Variants in GAS7 observed in about 807,000 individuals in gnomAD.
GAS7 encodes growth arrest specific 7.
In GAS7, 28 loss-of-function variants were observed where a neutral mutation model predicts 71.1. The ratio of observed to expected loss-of-function variants is 0.39; its 90% CI spans 0.29 to 0.54. The LOEUF (loss-of-function observed/expected upper bound fraction) is 0.54. GAS7 is among the 20% of genes least tolerant of loss of function. The pLI is 0.62. For synonymous variants in GAS7, 258 were observed against 245.8 expected, an observed-to-expected ratio of 1.05 and a Z score of -0.46; for missense variants, 436 against 627.8, an observed-to-expected ratio of 0.69 and a Z score of 3.27.
chr17:10,079,971 G>C (rs2073440231), intron 1 of GAS7, among the ~76,000 whole-genome samples: 2 of 152,340 alleles, frequency 1.3e-5, no homozygotes, highest in East Asian at 1.9e-4. Context: ...GGAGGTGTTT[G>C]AACCAGAGTG....
At chr17:10,089,560 T>C (rs1021761627) in intron 1 of GAS7, among the ~76,000 whole-genome samples, 1 of 151,658 alleles carries the variant, frequency 6.6e-6, no homozygotes, top group Non-Finnish European at 1.5e-5. Context: ...AGTTTCATAG[T>C]GCTGTTTATT....
At chr17:9,932,717 G>A (rs910081172) in intron 9 of GAS7, among the ~76,000 whole-genome samples, 6 of 152,136 alleles carry the variant, frequency 3.9e-5, no homozygotes, top group East Asian at 1.9e-4. Flanking sequence ...GGGGTGGGGT[G>A]GAGATAGTCA....
intron 1 of GAS7, among the ~76,000 whole-genome samples, chr17:10,142,391 CAG>C (rs1432990909): frequency 6.6e-6 from 1 of 152,062 alleles, no homozygotes; most frequent in Non-Finnish European, 1.5e-5. Context: ...TTTTTTGAGA[CAG>C]AGTCTCACTC....
At chr17:10,073,952 T>C (rs1399782078) in intron 1 of GAS7, among the ~76,000 whole-genome samples, 1 of 152,232 alleles carries the variant, frequency 6.6e-6, no homozygotes, top group Non-Finnish European at 1.5e-5. Context: ...CTTATTTATC[T>C]GTGCTTCATG....
rs937406540 is a variant in GAS7 at position 9,974,445 on chromosome 17, T to C, written c.386-4683A>G. ...GGGTGCTTCTGGGGCCTCCAGCCTC[T>C]GGGGGAAGAAAAATGAAATTGGTCA... On this transcript the variant is annotated intron_variant, in intron 3 of 13. Coordinates refer to ENST00000432992, the MANE Select transcript of GAS7 (RefSeq NM_201433.2). This position sits in a 1 kb window ranked among gnomAD's most constrained non-coding sequence, Gnocchi z 4.0. Among the ~76,000 whole-genome samples, 1 of 149,082 alleles carries C rather than the reference T, an allele frequency of 6.7e-6. No individual in the cohort carries two copies. The highest frequency in any genetic ancestry group is 1.5e-5 in the Non-Finnish European group (1 of 66,422).
chr17:10,135,921 T>C (rs775674123), intron 1 of GAS7, among the ~76,000 whole-genome samples: 16 of 152,100 alleles, frequency 1.1e-4, no homozygotes, highest in Non-Finnish European at 1.8e-4. Context: ...TAGGGAGAGA[T>C]GAAGACGAGA....
chr17:10,026,571 G>A lies in GAS7; in HGVS notation c.184-6674C>T, dbSNP rs1439699496. Reference sequence around the variant, plus strand: ...GGCACGCCTGGGAAGGTTGAGTCCCGGAGTAGTCCTGGACTCAGCAGCCAG... The same window carrying A: ...GGCACGCCTGGGAAGGTTGAGTCCCAGAGTAGTCCTGGACTCAGCAGCCAG... On this transcript the variant is annotated intron_variant, in intron 1 of 13. Transcript: ENST00000432992. The surrounding 1 kb of genome is among the most constrained non-coding windows in gnomAD (Gnocchi z 4.5). Among the ~76,000 whole-genome samples the A allele has an allele frequency of 3.3e-5, 5 of 152,142 alleles. No homozygotes were observed. Among genetic ancestry groups the A allele is most frequent in the Non-Finnish European group, 5.9e-5 (4 of 68,006 alleles).
intron 2 of GAS7, among the ~76,000 whole-genome samples, chr17:9,988,362 C>A (rs1395346189): frequency 6.6e-6 from 1 of 152,204 alleles, no homozygotes; most frequent in Non-Finnish European, 1.5e-5. Context: ...CCCTGTCCTC[C>A]AAGCGAGCCC....
At chr17:10,048,923 G>C (rs761743829) in intron 1 of GAS7, among the ~76,000 whole-genome samples, 23 of 152,186 alleles carry the variant, frequency 1.5e-4, no homozygotes, top group South Asian at 2.1e-4. Context: ...AGCTCATTGC[G>C]GGGGGGAAGA....
chr17:9,940,001 A>T (rs755952644), intron 8 of GAS7, 125 bp downstream of exon 8: 5 of 743,178 alleles, frequency 6.7e-6, no homozygotes, highest in Non-Finnish European at 1.2e-5. Context: ...GCCCACCTTG[A>T]GCCAGGCCTA....
intron 1 of GAS7, among the ~76,000 whole-genome samples, chr17:10,125,797 AC>A: frequency 6.6e-6 from 1 of 152,142 alleles, no homozygotes; most frequent in Non-Finnish European, 1.5e-5. Flanking sequence ...GATGATGAAA[AC>A]ATCCGGAAAA....
intron 1 of GAS7, among the ~76,000 whole-genome samples, chr17:10,061,761 A>C (rs2073222751): frequency 6.6e-6 from 1 of 152,050 alleles, no homozygotes; most frequent in South Asian, 2.1e-4. Context: ...TTTCTCCCAC[A>C]GCGAACTGTG....
rs926512861 is a variant in GAS7 at position 9,959,606 on chromosome 17, G to A, written c.472-351C>T. ...CGCGTGCCGCTTGCTGCCTGAAGCCGCGGAATCCACTGGGGAGAAGAGAGT... is the reference window on the plus strand; with the variant it reads ...CGCGTGCCGCTTGCTGCCTGAAGCCACGGAATCCACTGGGGAGAAGAGAGT... On this transcript the variant is annotated intron_variant, in intron 4 of 13. Coordinates refer to ENST00000432992, the MANE Select transcript of GAS7 (RefSeq NM_201433.2). The surrounding 1 kb of genome is among the most constrained non-coding windows in gnomAD (Gnocchi z 5.0). The A allele has an allele frequency of 3.9e-5, 18 of 457,740 alleles. No individual in the cohort carries two copies. Among genetic ancestry groups the A allele is most frequent in the Non-Finnish European group, 5.4e-5 (15 of 276,860 alleles). 28.4% of individuals were successfully genotyped at this position (457,740 alleles called of 1,614,324 possible).
intron 4 of GAS7, among the ~76,000 whole-genome samples, chr17:9,962,879 C>T (rs1482614558): frequency 6.6e-6 from 1 of 151,852 alleles, no homozygotes; most frequent in African/African-American, 2.4e-5. Flanking sequence ...GTGGTTGTGC[C>T]CCCAAATGCA....
intron 1 of GAS7, among the ~76,000 whole-genome samples, chr17:10,053,722 G>A (rs749948283): frequency 9.9e-5 from 15 of 152,138 alleles, no homozygotes; most frequent in Non-Finnish European, 1.5e-4. Flanking sequence ...AGCCCTCTCC[G>A]CAGGTACCGA....
At chr17:10,148,681 G>A (rs1157624378) in intron 1 of GAS7, among the ~76,000 whole-genome samples, 2 of 151,550 alleles carry the variant, frequency 1.3e-5, no homozygotes, top group Non-Finnish European at 2.9e-5. Context: ...GGAGGCTGAG[G>A]TGGGCGGATC....
At chr17:10,186,071 C>T (rs1332996582) in intron 1 of GAS7, among the ~76,000 whole-genome samples, 1 of 151,012 alleles carries the variant, frequency 6.6e-6, no homozygotes, top group Admixed American at 6.6e-5. Context: ...TCTCCTGCCT[C>T]AGCCTCCAGA....
rs34994635 is a variant in GAS7 at position 9,919,969 on chromosome 17, T to TTGTGTGTGTGTGTGTGTGTGTGTG, written c.1139-288_1139-265dup. Reference sequence around the variant, plus strand: ...AGGATTCAGGATGGTGGTTCTCATTTTGTGTGTGTGTGTGTGTGTGTGTGT... The same window carrying TTGTGTGTGTGTGTGTGTGTGTGTG: ...AGGATTCAGGATGGTGGTTCTCATTTTGTGTGTGTGTGTGTGTGTGTGTGTGTGTGTGTGTGTGTGTGTGTGTGT... On this transcript the variant is annotated intron_variant, in intron 11 of 13. Coordinates refer to ENST00000432992, the MANE Select transcript of GAS7 (RefSeq NM_201433.2). This position sits in a 1 kb window ranked among gnomAD's most constrained non-coding sequence, Gnocchi z 5.0. Among the ~76,000 whole-genome samples, 6 of 131,398 alleles carry TTGTGTGTGTGTGTGTGTGTGTGTG rather than the reference T, an allele frequency of 4.6e-5. No individual in the cohort carries two copies. Among genetic ancestry groups the TTGTGTGTGTGTGTGTGTGTGTGTG allele is most frequent in the East Asian group, 2.3e-4 (1 of 4,268 alleles). 86.2% of individuals were successfully genotyped at this position (131,398 alleles called of 152,430 possible).
rs1169721885 is a variant in GAS7 at position 9,912,518 on chromosome 17, G to A, written c.*4710C>T. 2 of 232,898 alleles carry A rather than the reference G, an allele frequency of 8.6e-6. No homozygotes were observed. Among genetic ancestry groups the A allele is most frequent in the East Asian group, 6.0e-5 (1 of 16,552 alleles). The allele number at this position is 232,898 out of a possible 1,614,324, so 14.4% of individuals were successfully genotyped here. A position where few individuals can be genotyped will look rare whatever the true frequency, so the allele number is the denominator to read the frequency against. On this transcript the variant is annotated 3_prime_UTR_variant, in exon 14 of 14. Coordinates refer to ENST00000432992, the MANE Select transcript of GAS7 (RefSeq NM_201433.2). The stretch of plus-strand genomic sequence containing the variant: ...CGCCCAATACATAGCCAAGGACCGT[G>A]TGACACTGAAGCCTGGGTCCCAGAA...
Sources: gnomAD v4.1 joint callset for allele counts (sites outside exome capture counted in the v4.1 genomes callset) on GRCh38, gnomAD v4.1.1 for gene constraint, Gnocchi (gnomAD v3.1) non-coding constraint, MANE v1.5 for transcripts, NCBI Gene and HGNC (gene_info 2026-07-23, HGNC 2026-07-21) for gene names.